DDX39B: variants seen among roughly 807,000 people sequenced by gnomAD.
DDX39B encodes the protein DExD-box helicase 39B.
Under a neutral mutation model 46.4 loss-of-function variants are expected in DDX39B, and 6 were observed. The observed-to-expected ratio is 0.13, with a 90% confidence interval of 0.07 to 0.26. DDX39B has a LOEUF of 0.26. Ranked by LOEUF, DDX39B falls within the 10% of genes least tolerant of loss-of-function variation. The pLI, the probability that DDX39B is intolerant of heterozygous loss-of-function variation, is 1.00. For synonymous variants in DDX39B, 174 were observed against 199.4 expected, an observed-to-expected ratio of 0.87 and a Z score of 1.07; for missense variants, 185 against 553.4, an observed-to-expected ratio of 0.33 and a Z score of 6.68.
At chr6:31,538,995 T>G (rs1365978610) in intron 3 of DDX39B, 140 bp from the exon 4 acceptor site, 4 of 1,498,592 alleles carry the variant, frequency 2.7e-6, no homozygotes, top group Non-Finnish European at 3.7e-6. Flanking sequence ...ACCCCACGCT[T>G]GCGACAGAAC....
At chr6:31,536,724 A>G (rs747327894) in intron 4 of DDX39B, 41 bp from the exon 5 acceptor site, 2 of 1,603,246 alleles carry the variant, frequency 1.2e-6, no homozygotes, top group Non-Finnish European at 1.7e-6. Flanking sequence ...CAGAGGAAGG[A>G]AAGAGTCCAA....
Position 31,537,358 on chromosome 6 carries a change from G to A in DDX39B, c.433-675C>T, listed in dbSNP as rs149426389. Reference sequence around the variant, plus strand: ...GGAGAATCGCTTGAACCCGGGAGGTGGAGATTGCAGTGAGGCGAGATTGAG... The same window carrying A: ...GGAGAATCGCTTGAACCCGGGAGGTAGAGATTGCAGTGAGGCGAGATTGAG... On this transcript the variant is annotated intron_variant, in intron 4 of 10. Transcript: ENST00000396172. Among the ~76,000 whole-genome samples the A allele has an allele frequency of 9.0e-3, 1,374 of 152,182 alleles. 9 individuals are homozygous for A. The highest frequency in any genetic ancestry group is 0.075 in the Middle Eastern group (22 of 294).
Position 31,530,988 on chromosome 6 carries a change from T to A in DDX39B, c.1123-62A>T. The A allele has an allele frequency of 6.2e-7, 1 of 1,613,332 alleles. No individual in the cohort carries two copies. On this transcript the variant is annotated intron_variant, in intron 9 of 10. Coordinates refer to ENST00000396172, the MANE Select transcript of DDX39B (RefSeq NM_004640.7). The surrounding 1 kb of genome is among the most constrained non-coding windows in gnomAD (Gnocchi z 4.5). ...GAGGAAAGAGACCCAGAGGCAGGAA[T>A]GAAGATGTACAAACAGAAAACAAGG... is the stretch of plus-strand genomic sequence containing the variant.
intron 2 of DDX39B, among the ~76,000 whole-genome samples, chr6:31,539,920 A>G (rs562125375): frequency 6.6e-6 from 1 of 152,384 alleles, no homozygotes; most frequent in East Asian, 1.9e-4. Context: ...CTTTGGTGCT[A>G]TCACGAAAGA....
rs1398147009 is a variant in DDX39B at position 31,540,395 on chromosome 6, G to A, written c.138C>T (p.Gly46=). The change falls in exon 2 of 11, where the codon GGC becomes GGT. Residue 46 remains glycine, a synonymous_variant. Transcript: ENST00000396172. The part of the protein sequence containing the change: ...KGSYVSIHSS[G]FRDFLLKPEL... ...CTGGCTTGAGCAGGAAGTCACGAAAGCCAGAGCTGTGGATGGAGACATAGG... is the reference window on the plus strand; with the variant it reads ...CTGGCTTGAGCAGGAAGTCACGAAAACCAGAGCTGTGGATGGAGACATAGG... The A allele has an allele frequency of 6.2e-7, 1 of 1,614,128 alleles. No homozygotes were observed. Among genetic ancestry groups the A allele is most frequent in the African/African-American group, 1.3e-5 (1 of 74,942 alleles).
rs1279831166 is a variant in DDX39B, at chr6:31,530,706, A to G, written c.1270+73T>C. The G allele has an allele frequency of 3.8e-6, 6 of 1,568,630 alleles. No individual in the cohort carries two copies. In the African/African-American group the frequency reaches 4.0e-5, roughly 11 times the overall value. On this transcript the variant is annotated intron_variant, in intron 10 of 10. Coordinates refer to ENST00000396172, the MANE Select transcript of DDX39B (RefSeq NM_004640.7). This position sits in a 1 kb window ranked among gnomAD's most constrained non-coding sequence, Gnocchi z 4.5. The stretch of plus-strand genomic sequence containing the variant: ...ATTATGCATCAGATGCCCATGACCT[A>G]TGTGATGGGATTTCGGACAAACACA...
At chr6:31,540,980 A>T (rs1293531867) in intron 1 of DDX39B, 2 of 427,808 alleles carry the variant, frequency 4.7e-6, no homozygotes, top group Non-Finnish European at 9.2e-6. Flanking sequence ...TAAAAGGTAA[A>T]ATACGACTAA....
At chr6:31,539,901 T>C (rs945579221) in intron 2 of DDX39B, among the ~76,000 whole-genome samples, 2 of 152,226 alleles carry the variant, frequency 1.3e-5, no homozygotes, top group African/African-American at 4.8e-5. Context: ...CACTTTTGGA[T>C]CATTAGCACT....
At chr6:31,537,752 G>A (rs1226626351) in intron 4 of DDX39B, among the ~76,000 whole-genome samples, 1 of 151,978 alleles carries the variant, frequency 6.6e-6, no homozygotes, top group Non-Finnish European at 1.5e-5. Context: ...AATCATTAAT[G>A]AGGCCAGGTG....
Position 31,540,669 on chromosome 6 carries a change from A to T in DDX39B, c.-132-5T>A. The T allele has an allele frequency of 1.4e-6, 1 of 698,214 alleles. No individual in the cohort carries two copies. Among genetic ancestry groups the T allele is most frequent in the Non-Finnish European group, 2.2e-6 (1 of 457,418 alleles). 43.3% of individuals were successfully genotyped at this position (698,214 alleles called of 1,614,324 possible). On this transcript the variant is annotated splice_region_variant and splice_polypyrimidine_tract_variant and intron_variant, in intron 1 of 10. Coordinates refer to ENST00000396172, the MANE Select transcript of DDX39B (RefSeq NM_004640.7). Reference sequence around the variant, plus strand: ...ATACTATTTCTAACAGAAGAGCTGGAGGGGGGAAAAAAAAAAGCAAGACTT... The same window carrying T: ...ATACTATTTCTAACAGAAGAGCTGGTGGGGGGAAAAAAAAAAGCAAGACTT...
chr6:31,536,413 A>C, intron 5 of DDX39B, 87 bp downstream of exon 5: 1 of 1,585,618 alleles, frequency 6.3e-7, no homozygotes, highest in Non-Finnish European at 8.6e-7. Flanking sequence ...TCGTCCTTGC[A>C]CTGAGGTGCT....
rs1767617687 is a variant in DDX39B, at chr6:31,534,976, A to T, written c.735+391T>A. 3.7e-6 allele frequency: 1 copy of T among 273,922 alleles called. No individual in the cohort carries two copies. The highest frequency in any genetic ancestry group is 2.2e-5 in the African/African-American group (1 of 45,592). The allele number at this position is 273,922 out of a possible 1,614,324, so 17.0% of individuals were successfully genotyped here. On this transcript the variant is annotated intron_variant, in intron 6 of 10. Coordinates refer to ENST00000396172, the MANE Select transcript of DDX39B (RefSeq NM_004640.7). The surrounding 1 kb of genome is among the most constrained non-coding windows in gnomAD (Gnocchi z 5.1). Reference sequence around the variant, plus strand: ...GGAAGTAGGAGTTTTGGTGAGCAGAAGGCTCCAGCTGTACGCTCGATGCCA... The same window carrying T: ...GGAAGTAGGAGTTTTGGTGAGCAGATGGCTCCAGCTGTACGCTCGATGCCA...
chr6:31,535,568 G>A lies in DDX39B; in HGVS notation c.617-83C>T, dbSNP rs1241290825. ...TTAGAGGTAGACTTCCCAGTGAGGTGAAGATTGCTGGAAATAGTAACAACA... is the reference window on the plus strand; with the variant it reads ...TTAGAGGTAGACTTCCCAGTGAGGTAAAGATTGCTGGAAATAGTAACAACA... On this transcript the variant is annotated intron_variant, in intron 5 of 10. Transcript: ENST00000396172. The surrounding 1 kb of genome is among the most constrained non-coding windows in gnomAD (Gnocchi z 4.6). The A allele has an allele frequency of 7.7e-6, 8 of 1,040,510 alleles. No individual in the cohort carries two copies. Among genetic ancestry groups the A allele is most frequent in the Non-Finnish European group, 1.2e-5 (8 of 684,468 alleles). The allele number at this position is 1,040,510 out of a possible 1,614,324, so 64.5% of individuals were successfully genotyped here.
Position 31,530,625 on chromosome 6 carries a change from G to A in DDX39B, c.1270+154C>T, listed in dbSNP as rs941548972. On this transcript the variant is annotated intron_variant, in intron 10 of 10. Transcript: ENST00000396172. This position sits in a 1 kb window ranked among gnomAD's most constrained non-coding sequence, Gnocchi z 4.5. The stretch of plus-strand genomic sequence containing the variant: ...GACAAGACACCCCACATAAAGGTCA[G>A]AAAAACATCCCAACACAGCATCAAA... The A allele has an allele frequency of 2.7e-5, 36 of 1,330,796 alleles. No homozygotes were observed. The highest frequency in any genetic ancestry group is 5.0e-4 in the Middle Eastern group (2 of 4,026). The allele number at this position is 1,330,796 out of a possible 1,614,324, so 82.4% of individuals were successfully genotyped here. A position where few individuals can be genotyped will look rare whatever the true frequency, so the allele number is the denominator to read the frequency against.
chr6:31,532,691 T>C, intron 7 of DDX39B, 89 bp downstream of exon 7: 1 of 1,510,012 alleles, frequency 6.6e-7, no homozygotes. Context: ...ACACATGTGA[T>C]TTCCTCAATA....
chr6:31,537,691 G>C (rs947855500), intron 4 of DDX39B, among the ~76,000 whole-genome samples: 6 of 152,096 alleles, frequency 3.9e-5, no homozygotes, highest in Non-Finnish European at 2.9e-5. Context: ...AGGGGGAAAA[G>C]AACAACTGTG....
intron 7 of DDX39B, 48 bp downstream of exon 7, chr6:31,532,732 C>T (rs1416031058): frequency 6.3e-7 from 1 of 1,599,570 alleles, no homozygotes; most frequent in Non-Finnish European, 8.5e-7. Context: ...GTTTCTGCTA[C>T]AGCTGGAGTG....
chr6:31,540,465 C>T lies in DDX39B; in HGVS notation c.68G>A (p.Gly23Glu). The change falls in exon 2 of 11, where the codon GGG (glycine) becomes GAG (glutamate). Residue 23 changes from glycine to glutamate, a missense_variant. Gly to Glu is a moderately conservative substitution (Grantham distance 98, BLOSUM62 -2). This residue lies in a region of DDX39B where 30 missense variants were observed against 41.6 expected (regional missense o/e 0.72). Transcript: ENST00000396172. ...YEDDEVETAAGGDGAEAPAKK... is the reference protein window; with the variant it reads ...YEDDEVETAAEGDGAEAPAKK... ...GGCAGGGGCCTCAGCCCCATCTCCC[C>T]CAGCTGCTGTCTCCACCTCATCATC... 2 of 1,614,222 alleles carry T rather than the reference C, an allele frequency of 1.2e-6. No homozygotes were observed.
rs1252990225 is a variant in DDX39B, at chr6:31,535,342, G to C, written c.735+25C>G. 6.2e-6 allele frequency: 10 copies of C among 1,604,284 alleles called. No individual in the cohort carries two copies. The highest frequency in any genetic ancestry group is 8.5e-6 in the Non-Finnish European group (10 of 1,171,922). On this transcript the variant is annotated intron_variant, in intron 6 of 10. Transcript: ENST00000396172. This position sits in a 1 kb window ranked among gnomAD's most constrained non-coding sequence, Gnocchi z 4.6. Reference sequence around the variant, plus strand: ...AGGAGGCAGCGGGCGGGGAGTGGAGGGAGAGAAGGTAGAAGGGTATTTACA... The same window carrying C: ...AGGAGGCAGCGGGCGGGGAGTGGAGCGAGAGAAGGTAGAAGGGTATTTACA...
Sources: gnomAD v4.1 joint callset for allele counts (sites outside exome capture counted in the v4.1 genomes callset) on GRCh38, gnomAD v4.1.1 for gene constraint, gnomAD v4.1.1 regional missense constraint, Gnocchi (gnomAD v3.1) non-coding constraint, MANE v1.5 for transcripts, NCBI Gene and HGNC (gene_info 2026-07-23, HGNC 2026-07-21) for gene names.